The following RAB38 variants were observed in gnomAD, a reference collection of about 807,000 sequenced individuals.
RAB38 encodes the protein RAB38, member RAS oncogene family.
In RAB38, 15 loss-of-function variants were observed where a neutral mutation model predicts 18.4. That is an observed-to-expected ratio of 0.82 (90% CI 0.55 to 1.26). RAB38 has a LOEUF of 1.26. Ranked by LOEUF, RAB38 falls within the 50% of genes most tolerant of loss-of-function variation. The pLI is 0.00. For missense variants in RAB38, 294 were observed against 267.4 expected (o/e 1.10, Z -0.69); for synonymous variants, 101 against 104.4 (o/e 0.97, Z 0.20).
the RAB38 span, among the ~76,000 whole-genome samples, chr11:88,049,381 TTCCTGGCTCA>T: frequency 1.6e-4 from 24 of 152,110 alleles, no homozygotes; most frequent in African/African-American, 5.8e-4. Context: ...GAAATTCCTT[TTCCTGGCTCA>T]TCCTGGCTCA....
At chr11:88,020,519 C>A in the RAB38 span, among the ~76,000 whole-genome samples, 1 of 152,106 alleles carries the variant, frequency 6.6e-6, no homozygotes, top group South Asian at 2.1e-4. Flanking sequence ...CTTCAGCACC[C>A]CACTTTCATC....
chr11:87,964,835 G>A, the RAB38 span, among the ~76,000 whole-genome samples: 1 of 151,950 alleles, frequency 6.6e-6, no homozygotes, highest in African/African-American at 2.4e-5. Context: ...ACAGACCACC[G>A]TAATTTATAA....
At chr11:88,062,964 G>A in the RAB38 span, among the ~76,000 whole-genome samples, 3 of 152,260 alleles carry the variant, frequency 2.0e-5, no homozygotes, top group African/African-American at 4.8e-5. Context: ...TTTACTATGC[G>A]CTCTACCTTT....
At chr11:87,833,763 A>G in the RAB38 span, among the ~76,000 whole-genome samples, 3 of 152,214 alleles carry the variant, frequency 2.0e-5, no homozygotes, top group Non-Finnish European at 2.9e-5. Flanking sequence ...CTTCTAACTA[A>G]TAAGTAACAT....
At chr11:88,028,148 A>C in the RAB38 span, among the ~76,000 whole-genome samples, 1 of 152,212 alleles carries the variant, frequency 6.6e-6, no homozygotes, top group Non-Finnish European at 1.5e-5. Context: ...GCAAACTCCA[A>C]CAGACCTGCA....
the RAB38 span, among the ~76,000 whole-genome samples, chr11:87,923,549 G>C: frequency 1.7e-5 from 1 of 58,588 alleles, no homozygotes; most frequent in Non-Finnish European, 3.2e-5. Flanking sequence ...AATTAATTCT[G>C]TGTGTGTGTG....
chr11:87,970,004 T>C, the RAB38 span, among the ~76,000 whole-genome samples: 12 of 151,796 alleles, frequency 7.9e-5, no homozygotes, highest in Non-Finnish European at 1.5e-4. Context: ...TCAGGTTCAG[T>C]AGGAAGAGTA....
chr11:88,067,974 T>C, the RAB38 span, among the ~76,000 whole-genome samples: 8 of 86,052 alleles, frequency 9.3e-5, no homozygotes, highest in Admixed American at 7.4e-4. Flanking sequence ...TATATACACA[T>C]ATATATACTT....
At chr11:88,051,432 C>A in the RAB38 span, among the ~76,000 whole-genome samples, 1 of 151,362 alleles carries the variant, frequency 6.6e-6, no homozygotes, top group African/African-American at 2.4e-5. Context: ...CTAGGTGGAG[C>A]ACAAGCAGGA....
the RAB38 span, among the ~76,000 whole-genome samples, chr11:88,064,117 CA>C: frequency 1.3e-5 from 2 of 152,076 alleles, no homozygotes; most frequent in Non-Finnish European, 2.9e-5. Context: ...ATGGAGATTC[CA>C]AATTTTGAGA....
At chr11:87,825,904 T>C in the RAB38 span, among the ~76,000 whole-genome samples, 2 of 152,186 alleles carry the variant, frequency 1.3e-5, no homozygotes, top group African/African-American at 4.8e-5. Context: ...AAAATAGTCA[T>C]ACTAAACTAC....
chr11:87,905,744 A>G, the RAB38 span, among the ~76,000 whole-genome samples: 1 of 151,922 alleles, frequency 6.6e-6, no homozygotes, highest in African/African-American at 2.4e-5. Flanking sequence ...ATTTTCAAGT[A>G]TCATCCTGTG....
At chr11:88,153,943 G>C (rs920925117) in intron 1 of RAB38, among the ~76,000 whole-genome samples, 4 of 152,172 alleles carry the variant, frequency 2.6e-5, no homozygotes, top group African/African-American at 9.7e-5. Context: ...AATCCACCAG[G>C]ACAACTCAAA....
At chr11:88,032,343 C>T in the RAB38 span, among the ~76,000 whole-genome samples, 2 of 152,138 alleles carry the variant, frequency 1.3e-5, no homozygotes, top group Non-Finnish European at 2.9e-5. Context: ...GTCTAAAACA[C>T]CAAAAGCAAT....
the RAB38 span, among the ~76,000 whole-genome samples, chr11:87,970,855 T>C: frequency 5.3e-5 from 8 of 152,102 alleles, no homozygotes; most frequent in Admixed American, 3.9e-4. Flanking sequence ...TTGGGGCTTT[T>C]GTTACTCCTT....
intron 2 of RAB38, among the ~76,000 whole-genome samples, chr11:88,140,695 G>A (rs1243655142): frequency 1.3e-5 from 2 of 152,166 alleles, no homozygotes; most frequent in Admixed American, 1.3e-4. Flanking sequence ...GGTGTGATGG[G>A]AGACTTGATG....
the RAB38 span, among the ~76,000 whole-genome samples, chr11:87,957,397 G>GAAA: frequency 2.0e-5 from 3 of 151,022 alleles, no homozygotes; most frequent in African/African-American, 7.3e-5. Context: ...CAGATTAACA[G>GAAA]AAAAAAAAAC....
At chr11:87,859,615 TTG>T in the RAB38 span, among the ~76,000 whole-genome samples, 5 of 152,008 alleles carry the variant, frequency 3.3e-5, no homozygotes, top group Non-Finnish European at 7.4e-5. Flanking sequence ...AAGATATCTT[TTG>T]GTTGTGATTG....
the RAB38 span, among the ~76,000 whole-genome samples, chr11:87,907,355 T>G: frequency 6.6e-6 from 1 of 151,864 alleles, no homozygotes; most frequent in Non-Finnish European, 1.5e-5. Context: ...TAAATATCTA[T>G]TCTAAATATT....
Sources: gnomAD v4.1 joint callset for allele counts (sites outside exome capture counted in the v4.1 genomes callset) on GRCh38, gnomAD v4.1.1 for gene constraint, MANE v1.5 for transcripts, NCBI Gene and HGNC (gene_info 2026-07-23, HGNC 2026-07-21) for gene names.